Variants in SNORD118 observed in about 807,000 individuals in gnomAD.
SNORD118 encodes the protein small nucleolar RNA, C/D box 118.
At chr17:8,173,560 A>C (rs762339276) in exon 1 of SNORD118, 2 of 765,382 alleles carry the variant, frequency 2.6e-6, no homozygotes, top group Non-Finnish European at 4.8e-6. Context: ...CCGGAGGAGG[A>C]ACAGGTAAGG....
Sources: gnomAD v4.1 joint callset for allele counts on GRCh38, gnomAD v4.1.1 for gene constraint, MANE v1.5 for transcripts, NCBI Gene and HGNC (gene_info 2026-07-23, HGNC 2026-07-21) for gene names.